CYFIP1: variants seen among roughly 807,000 people sequenced by gnomAD.
The protein encoded by CYFIP1 is cytoplasmic FMR1 interacting protein 1, also known as cytoplasmic FMR1-interacting protein 1.
Under a neutral mutation model 163.5 loss-of-function variants are expected in CYFIP1, and 58 were observed. The ratio of observed to expected loss-of-function variants is 0.35; its 90% CI spans 0.29 to 0.44. CYFIP1 has a LOEUF of 0.44. Ranked by LOEUF, CYFIP1 falls within the 20% of genes least tolerant of loss-of-function variation. The pLI is 1.00. For synonymous variants in CYFIP1, 663 were observed against 660.7 expected (o/e 1.00, Z -0.05); for missense variants, 1,338 against 1,653.8 (o/e 0.81, Z 3.31).
chr15:22,909,326 G>A lies in CYFIP1; in HGVS notation c.2269-13C>T. On this transcript the variant is annotated splice_polypyrimidine_tract_variant and intron_variant, in intron 20 of 30. Coordinates refer to ENST00000617928, the MANE Select transcript of CYFIP1 (RefSeq NM_014608.6). ...ATCTGCCGAGGAGCTGGCGTACACA[G>A]GGAAGGATGGCAGGTAAAGAGTGGA... is the stretch of plus-strand genomic sequence containing the variant. 1.2e-6 allele frequency: 2 copies of A among 1,613,784 alleles called. No homozygotes were observed. The highest frequency in any genetic ancestry group is 2.2e-5 in the South Asian group (2 of 91,072).
chr15:22,891,655 C>A (rs1334859463), intron 23 of CYFIP1, among the ~76,000 whole-genome samples: 1 of 152,156 alleles, frequency 6.6e-6, no homozygotes, highest in Non-Finnish European at 1.5e-5. Context: ...CAGCGTATGC[C>A]GAGGCTTGGG....
chr15:22,906,319 C>T (rs1038914437), intron 21 of CYFIP1, among the ~76,000 whole-genome samples: 13 of 150,918 alleles, frequency 8.6e-5, no homozygotes, highest in African/African-American at 3.2e-4. Flanking sequence ...CGTTGGCCAG[C>T]CTGGTCTTGA....
rs1338694225 is a variant in CYFIP1 at position 22,916,544 on chromosome 15, G to A, written c.1761C>T (p.Pro587=). Residue 587 remains proline, a synonymous_variant, in exon 16 of 31, where the codon CCC becomes CCT. Coordinates refer to ENST00000617928, the MANE Select transcript of CYFIP1 (RefSeq NM_014608.6). Reference sequence around the variant, plus strand: ...GAAATTTTTCTATGTCCAATATGGTGGGCCCCTCAAGGCTACTTCTCAAGG... The same window carrying A: ...GAAATTTTTCTATGTCCAATATGGTAGGCCCCTCAAGGCTACTTCTCAAGG... ...KKTLRSSLEG[P]TILDIEKFHR... 6.2e-7 allele frequency: 1 copy of A among 1,614,080 alleles called. No homozygotes were observed. The highest frequency in any genetic ancestry group is 1.1e-5 in the South Asian group (1 of 91,082).
intron 5 of CYFIP1, 26 bp downstream of exon 5, chr15:22,944,532 C>G (rs201652267): frequency 1.2e-5 from 18 of 1,515,808 alleles, no homozygotes; most frequent in Non-Finnish European, 1.6e-5. Context: ...GGTGTTACAC[C>G]CCCCCCAGAT....
Position 22,939,273 on chromosome 15 carries a change from C to T in CYFIP1, c.714G>A (p.Leu238=), listed in dbSNP as rs370346266. The T allele has an allele frequency of 5.9e-5, 95 of 1,614,046 alleles. No individual in the cohort carries two copies. The highest frequency in any genetic ancestry group is 5.0e-4 in the Admixed American group (30 of 59,998). The change falls in exon 8 of 31, where the codon CTG becomes CTA. Residue 238 remains leucine, a synonymous_variant. Transcript: ENST00000617928. Reference sequence around the variant, plus strand: ...CCACACACAGATTCACAATATCTGCCAGGAGCTCTTCGTAGCCAGAAATCA... The same window carrying T: ...CCACACACAGATTCACAATATCTGCTAGGAGCTCTTCGTAGCCAGAAATCA... The part of the protein sequence containing the change: ...LEVISGYEEL[L]ADIVNLCVDY...
Position 22,875,885 on chromosome 15 carries a change from C to CATATATATATATATATAT in CYFIP1, c.3043-615_3043-614insATATATATATATATATAT, listed in dbSNP as rs10640110. 5.4e-5 allele frequency among the ~76,000 whole-genome samples: 7 copies of CATATATATATATATATAT among 130,786 alleles called. 1 individual carries two copies. Among genetic ancestry groups the CATATATATATATATATAT allele is most frequent in the Non-Finnish European group, 9.7e-5 (6 of 61,634 alleles). 85.8% of individuals were successfully genotyped at this position (130,786 alleles called of 152,430 possible). On this transcript the variant is annotated intron_variant, in intron 26 of 30. Transcript: ENST00000617928. ...ACACAAGGTCCGTTCTCCAGAATAA[C>CATATATATATATATATAT]ATATATATATATAAAGAAAATGTAC... is the stretch of plus-strand genomic sequence containing the variant.
In CYFIP1 at chr15:22,909,269, G is replaced by T. The variant is rs141801648; in HGVS notation, c.2313C>A (p.Arg771=). 6.2e-7 allele frequency: 1 copy of T among 1,614,024 alleles called. No homozygotes were observed. Among genetic ancestry groups the T allele is most frequent in the Non-Finnish European group, 8.5e-7 (1 of 1,180,020 alleles). Residue 771 remains arginine (R), a synonymous_variant, in exon 21 of 31, where the codon CGC becomes CGA. Transcript: ENST00000617928. ...SIDLNRLITQ[R]VSAAMYKSLE... Reference sequence around the variant, plus strand: ...GGGACTTATACATGGCTGCTGAGACGCGCTGGGTGATCAGACGATTGAGGT... The same window carrying T: ...GGGACTTATACATGGCTGCTGAGACTCGCTGGGTGATCAGACGATTGAGGT...
intron 28 of CYFIP1, among the ~76,000 whole-genome samples, chr15:22,874,271 C>G (rs1359477889): frequency 2.0e-5 from 3 of 152,236 alleles, no homozygotes; most frequent in Admixed American, 2.0e-4. Context: ...TATGGGAAAG[C>G]CTTCTTCATG....
rs1209706249 is a variant in CYFIP1, at chr15:22,867,262, C to CAT, written c.*2764_*2765dup. ...TTAAAAAAACAGAGTTATCCCAATA[C>CAT]ATTATCCTGTGATTTACCTTACCTA... On this transcript the variant is annotated 3_prime_UTR_variant, in exon 31 of 31. Coordinates refer to ENST00000617928, the MANE Select transcript of CYFIP1 (RefSeq NM_014608.6). The CAT allele has an allele frequency of 2.5e-6, 1 of 400,294 alleles. No individual in the cohort carries two copies. The highest frequency in any genetic ancestry group is 2.1e-5 in the African/African-American group (1 of 48,594). The allele number at this position is 400,294 out of a possible 1,614,324, so 24.8% of individuals were successfully genotyped here.
At chr15:22,958,247 G>A (rs1391212541) in intron 1 of CYFIP1, among the ~76,000 whole-genome samples, 1 of 151,962 alleles carries the variant, frequency 6.6e-6, no homozygotes, top group East Asian at 1.9e-4. Flanking sequence ...CACCACACCT[G>A]GCTAATTTTT....
chr15:22,915,001 C>A, intron 16 of CYFIP1, 119 bp from the exon 17 acceptor site: 2 of 1,074,628 alleles, frequency 1.9e-6, no homozygotes, highest in Middle Eastern at 2.8e-4. Context: ...CCAAGCCATG[C>A]AGCATGGACA....
At chr15:22,873,316 G>C (rs762254527) in intron 29 of CYFIP1, among the ~76,000 whole-genome samples, 175 bp downstream of exon 29, 2 of 152,114 alleles carry the variant, frequency 1.3e-5, no homozygotes, top group Admixed American at 6.6e-5. Flanking sequence ...AGAGTCCTGA[G>C]TCAGCTCTTT....
At chr15:22,945,927 G>A (rs906830013) in intron 3 of CYFIP1, among the ~76,000 whole-genome samples, 5 of 152,218 alleles carry the variant, frequency 3.3e-5, no homozygotes, top group East Asian at 1.9e-4. Context: ...AAGTCAATGC[G>A]CAAAAATAGT....
At position 22,916,706 on chromosome 15, in the gene CYFIP1, A is replaced by G. The variant is rs370786405; in HGVS notation, c.1675-76T>C. 1.9e-6 allele frequency: 3 copies of G among 1,614,032 alleles called. No individual in the cohort carries two copies. The African/African-American group carries it at 4.0e-5, about 22-fold the overall frequency. The stretch of plus-strand genomic sequence containing the variant: ...TAGTTATGCCAAACTCAAAAAGCCC[A>G]TGAGAGAAGGACTGCTCCGCTACGC... On this transcript the variant is annotated intron_variant, in intron 15 of 30. Coordinates refer to ENST00000617928, the MANE Select transcript of CYFIP1 (RefSeq NM_014608.6).
chr15:22,916,683 G>A (rs2060993895), intron 15 of CYFIP1, 53 bp from the exon 16 acceptor site: 3 of 1,614,136 alleles, frequency 1.9e-6, no homozygotes, highest in Admixed American at 1.7e-5. Flanking sequence ...TGGTACATTA[G>A]TTATGCCAAA....
intron 13 of CYFIP1, 41 bp downstream of exon 13, chr15:22,925,941 T>C: frequency 6.2e-7 from 1 of 1,603,888 alleles, no homozygotes; most frequent in Non-Finnish European, 8.5e-7. Context: ...GGTGTGAAGC[T>C]AGAGCGACAT....
intron 21 of CYFIP1, among the ~76,000 whole-genome samples, chr15:22,907,955 A>G (rs2060640420): frequency 6.6e-6 from 1 of 151,138 alleles, no homozygotes; most frequent in Non-Finnish European, 1.5e-5. Context: ...CTCCTCTAAC[A>G]CTCCAGTTAC....
chr15:22,906,622 A>T (rs1435964622), intron 21 of CYFIP1, among the ~76,000 whole-genome samples: 6 of 151,444 alleles, frequency 4.0e-5, no homozygotes, highest in Non-Finnish European at 7.4e-5. Flanking sequence ...TCCGCCATCA[A>T]GCCTGGCTAA....
At position 22,941,945 on chromosome 15, in the gene CYFIP1, G is replaced by A. The variant is rs1000864745; in HGVS notation, c.569+1228C>T. 4.6e-5 allele frequency among the ~76,000 whole-genome samples: 7 copies of A among 152,252 alleles called. No homozygotes were observed. The East Asian group carries it at 7.7e-4, about 17-fold the overall frequency. On this transcript the variant is annotated intron_variant, in intron 6 of 30. Transcript: ENST00000617928. Reference sequence around the variant, plus strand: ...AAATCACACAGCTACTGGATTGGGCGGCTGGGACCAGGAGCCCACTCCGAC... The same window carrying A: ...AAATCACACAGCTACTGGATTGGGCAGCTGGGACCAGGAGCCCACTCCGAC...
Sources: gnomAD v4.1 joint callset for allele counts (sites outside exome capture counted in the v4.1 genomes callset) on GRCh38, gnomAD v4.1.1 for gene constraint, MANE v1.5 for transcripts, NCBI Gene and HGNC (gene_info 2026-07-23, HGNC 2026-07-21) for gene names.